KITLG: variants seen among roughly 807,000 people sequenced by gnomAD.
The protein encoded by KITLG is c-Kit ligand.
A neutral mutation model predicts 34.1 loss-of-function variants in KITLG; 13 were observed. That is an observed-to-expected ratio of 0.38 (90% CI 0.25 to 0.61). The LOEUF (loss-of-function observed/expected upper bound fraction) is 0.61. KITLG is among the 20% of genes least tolerant of loss of function. The pLI is 0.60. For synonymous variants in KITLG, 110 were observed against 104.0 expected (o/e 1.06, Z -0.35); for missense variants, 292 against 318.9 (o/e 0.92, Z 0.64).
Position 88,495,142 on chromosome 12 carries a change from C to T in KITLG, c.*2077G>A, listed in dbSNP as rs1284924304. The T allele has an allele frequency of 2.6e-5, 4 of 151,948 alleles. No homozygotes were observed. The highest frequency in any genetic ancestry group is 3.9e-4 in the East Asian group (2 of 5,180). The allele number at this position is 151,948 out of a possible 1,614,324, so 9.4% of individuals were successfully genotyped here. On this transcript the variant is annotated 3_prime_UTR_variant, in exon 10 of 10. Transcript: ENST00000644744. ...TTAACTCCATTGATTAAGACCATGT[C>T]CATGAGTGTTAAAACCCAGCTACTA...
intron 1 of KITLG, among the ~76,000 whole-genome samples, chr12:88,556,434 G>A (rs1158119450): frequency 1.3e-5 from 2 of 152,138 alleles, no homozygotes; most frequent in African/African-American, 2.4e-5. Context: ...GGCCCATTAG[G>A]AGGTCACTGA....
intron 1 of KITLG, 104 bp downstream of exon 1, chr12:88,580,160 C>A: frequency 8.1e-7 from 1 of 1,238,924 alleles, no homozygotes; most frequent in Non-Finnish European, 1.2e-6. Context: ...CAGGCACAGC[C>A]CTGCACGCCC....
At chr12:88,542,806 AAT>A (rs1870569308) in intron 2 of KITLG, among the ~76,000 whole-genome samples, 1 of 152,104 alleles carries the variant, frequency 6.6e-6, no homozygotes, top group African/African-American at 2.4e-5. Context: ...CTGTACCTTA[AAT>A]AAGTCCCTGA....
chr12:88,553,889 A>G (rs1871008987), intron 1 of KITLG, among the ~76,000 whole-genome samples: 1 of 152,210 alleles, frequency 6.6e-6, no homozygotes, highest in African/African-American at 2.4e-5. Context: ...GTACTAGAAA[A>G]GTACTTTAAA....
chr12:88,523,423 G>GT (rs1566023060), intron 3 of KITLG, among the ~76,000 whole-genome samples: 2 of 152,130 alleles, frequency 1.3e-5, no homozygotes, highest in South Asian at 2.1e-4. Flanking sequence ...AAACTGAAGT[G>GT]TTTTTTTCTG....
intron 2 of KITLG, among the ~76,000 whole-genome samples, chr12:88,540,522 G>T (rs1870481573): frequency 6.6e-6 from 1 of 152,138 alleles, no homozygotes; most frequent in South Asian, 2.1e-4. Context: ...GGAGCAGGCT[G>T]CACATGGTGG....
At chr12:88,526,453 G>A (rs1869869434) in intron 3 of KITLG, among the ~76,000 whole-genome samples, 1 of 152,174 alleles carries the variant, frequency 6.6e-6, no homozygotes, top group South Asian at 2.1e-4. Context: ...TTATATGGTA[G>A]GGAAATTTTC....
intron 2 of KITLG, among the ~76,000 whole-genome samples, chr12:88,535,905 A>T (rs1870299563): frequency 6.6e-6 from 1 of 152,184 alleles, no homozygotes; most frequent in Non-Finnish European, 1.5e-5. Flanking sequence ...TTAACTCAAA[A>T]GGAATTAAAG....
At position 88,507,156 on chromosome 12, in the gene KITLG, A is replaced by G. The variant is rs1254007093; in HGVS notation, c.605-19T>C. ...GCCTTCCCTATAATTTAAAGAACAC[A>G]CTGATGAATACAGCATATCCATTCT... On this transcript the variant is annotated intron_variant, in intron 6 of 9. Coordinates refer to ENST00000644744, the MANE Select transcript of KITLG (RefSeq NM_000899.5). 1.5e-6 allele frequency: 2 copies of G among 1,377,060 alleles called. No homozygotes were observed. The highest frequency in any genetic ancestry group is 1.4e-5 in the African/African-American group (1 of 70,314). The allele number at this position is 1,377,060 out of a possible 1,614,324, so 85.3% of individuals were successfully genotyped here.
At chr12:88,504,863 C>T (rs572750659) in intron 9 of KITLG, among the ~76,000 whole-genome samples, 14 of 151,368 alleles carry the variant, frequency 9.2e-5, no homozygotes, top group East Asian at 3.9e-4. Context: ...AGCAAACTAT[C>T]GCAAGGACAG....
At chr12:88,518,290 T>C (rs1869526450) in intron 4 of KITLG, among the ~76,000 whole-genome samples, 1 of 152,140 alleles carries the variant, frequency 6.6e-6, no homozygotes, top group East Asian at 1.9e-4. Flanking sequence ...GGAGCCAAAA[T>C]GTATTCCTTT....
Position 88,560,424 on chromosome 12 carries a change from T to A in KITLG, c.16-14559A>T, listed in dbSNP as rs560224831. ...GTGTTTTCTTTTTAATTGCACATAA[T>A]AATTGTAAACAATCTCATTTATCCT... On this transcript the variant is annotated intron_variant, in intron 1 of 9. Transcript: ENST00000644744. Among the ~76,000 whole-genome samples, 7 of 152,282 alleles carry A rather than the reference T, an allele frequency of 4.6e-5. No homozygotes were observed. In the South Asian group the frequency reaches 1.5e-3, roughly 32 times the overall value.
At chr12:88,539,501 T>G (rs1022639269) in intron 2 of KITLG, among the ~76,000 whole-genome samples, 2 of 152,160 alleles carry the variant, frequency 1.3e-5, no homozygotes, top group Non-Finnish European at 2.9e-5. Flanking sequence ...AAAAGCTTTT[T>G]GCTTCTTTGT....
chr12:88,563,114 G>A (rs1183858379), intron 1 of KITLG, among the ~76,000 whole-genome samples: 1 of 152,126 alleles, frequency 6.6e-6, no homozygotes, highest in African/African-American at 2.4e-5. Flanking sequence ...CCAATGAGTT[G>A]CAATCCATTA....
intron 9 of KITLG, among the ~76,000 whole-genome samples, chr12:88,502,839 A>G (rs1868914049): frequency 2.0e-5 from 3 of 151,944 alleles, no homozygotes; most frequent in Non-Finnish European, 4.4e-5. Flanking sequence ...TCAATTAACC[A>G]TTTAATGTGT....
At position 88,572,424 on chromosome 12, in the gene KITLG, C is replaced by A. The variant is rs139707253; in HGVS notation, c.15+7840G>T. On this transcript the variant is annotated intron_variant, in intron 1 of 9. Transcript: ENST00000644744. The stretch of plus-strand genomic sequence containing the variant: ...CTAAATACATTTTTTTCTTAAAGAC[C>A]CTAGTTTCATATTTTAAAAAAAGGT... 7.5e-4 allele frequency among the ~76,000 whole-genome samples: 113 copies of A among 150,616 alleles called. No individual in the cohort carries two copies. The East Asian group carries it at 0.021, about 28-fold the overall frequency.
intron 1 of KITLG, among the ~76,000 whole-genome samples, chr12:88,571,970 G>A (rs963792641): frequency 1.3e-5 from 2 of 152,074 alleles, no homozygotes; most frequent in East Asian, 1.9e-4. Context: ...ACCTCTCAGC[G>A]GAAAAGTGCT....
At position 88,494,384 on chromosome 12, in the gene KITLG, C is replaced by T. The variant is rs1868530090; in HGVS notation, c.*2835G>A. ...GTTGAATTAGAGTAGGAAAACGTGC[C>T]CCAAAGTTTCTCCAAAGTACTTTAA... On this transcript the variant is annotated 3_prime_UTR_variant, in exon 10 of 10. Coordinates refer to ENST00000644744, the MANE Select transcript of KITLG (RefSeq NM_000899.5). 1 of 152,090 alleles carries T rather than the reference C, an allele frequency of 6.6e-6. No individual in the cohort carries two copies. Among genetic ancestry groups the T allele is most frequent in the Admixed American group, 6.6e-5 (1 of 15,184 alleles). 9.4% of individuals were successfully genotyped at this position (152,090 alleles called of 1,614,324 possible).
At chr12:88,544,511 TA>T (rs397757323) in intron 2 of KITLG, among the ~76,000 whole-genome samples, 35 of 146,992 alleles carry the variant, frequency 2.4e-4, no homozygotes, top group Admixed American at 4.7e-4. Context: ...AGTATGTTTT[TA>T]AAAAAAAAAA....
Sources: allele counts gnomAD v4.1 joint callset (sites outside exome capture counted in the v4.1 genomes callset), GRCh38; gene constraint gnomAD v4.1.1; transcripts MANE v1.5; gene names NCBI Gene and HGNC (gene_info 2026-07-23, HGNC 2026-07-21).